CENPF: variants seen among roughly 807,000 people sequenced by gnomAD.
CENPF encodes centromere protein F, also known as AH antigen.
A neutral mutation model predicts 307.3 loss-of-function variants in CENPF; 214 were observed. The ratio of observed to expected loss-of-function variants is 0.70; its 90% confidence interval spans 0.62 to 0.78. The LOEUF is 0.78. Among genes scored for constraint, CENPF ranks in the 30% least tolerant of loss-of-function variants. CENPF has a pLI of 0.00. For missense variants in CENPF, 3,401 were observed against 3,483.9 expected (o/e 0.98, Z 0.60); for synonymous variants, 1,259 against 1,270.6 (o/e 0.99, Z 0.19).
At chr1:214,639,144 A>G (rs533810225) in intron 11 of CENPF, among the ~76,000 whole-genome samples, 3 of 152,164 alleles carry the variant, frequency 2.0e-5, no homozygotes, top group Non-Finnish European at 4.4e-5. Context: ...TCAACTTTCA[A>G]TCTCCCCCAA....
chr1:214,605,620 G>C, intron 1 of CENPF: 2 of 1,440,186 alleles, frequency 1.4e-6, no homozygotes, highest in East Asian at 2.4e-5. Flanking sequence ...GGGCCGGCGC[G>C]GGGTGAGGTC....
At chr1:214,637,626 T>C (rs1309000371) in intron 10 of CENPF, among the ~76,000 whole-genome samples, 2 of 152,188 alleles carry the variant, frequency 1.3e-5, no homozygotes. Context: ...ATGAGAAAGT[T>C]CAATGAAACT....
intron 7 of CENPF, among the ~76,000 whole-genome samples, chr1:214,628,405 T>G (rs1401688590): frequency 1.3e-5 from 2 of 152,060 alleles, no homozygotes; most frequent in Admixed American, 1.3e-4. Context: ...CTGAGATTTG[T>G]TAAACTTTGA....
rs556539205 is a variant in CENPF at position 214,608,382 on chromosome 1, G to A, written c.-42+5061G>A. ...GGTTCCTCTCGGAAGGCCTACCCGAGCTGGCACCGTAGCCGGAGTAGTCGT... is the reference window on the plus strand; with the variant it reads ...GGTTCCTCTCGGAAGGCCTACCCGAACTGGCACCGTAGCCGGAGTAGTCGT... On this transcript the variant is annotated intron_variant, in intron 1 of 19. Transcript: ENST00000366955. The A allele has an allele frequency of 4.2e-5, 68 of 1,613,298 alleles. 1 individual carries two copies. In the South Asian group the frequency reaches 7.1e-4, roughly 17 times the overall value.
At chr1:214,638,518 T>A (rs974596170) in intron 11 of CENPF, among the ~76,000 whole-genome samples, 2 of 152,264 alleles carry the variant, frequency 1.3e-5, no homozygotes, top group Non-Finnish European at 2.9e-5. Context: ...ATCAAATGAA[T>A]CCACTCTTGG....
intron 3 of CENPF, among the ~76,000 whole-genome samples, chr1:214,618,279 C>T (rs1284025522): frequency 6.6e-6 from 1 of 152,176 alleles, no homozygotes; most frequent in Non-Finnish European, 1.5e-5. Flanking sequence ...CAAACCATAT[C>T]ACTGTCATAG....
At position 214,646,060 on chromosome 1, in the gene CENPF, C is replaced by T. The variant is rs1439457831; in HGVS notation, c.6490C>T (p.Gln2164Ter). 1 of 1,613,986 alleles carries T rather than the reference C, an allele frequency of 6.2e-7. No homozygotes were observed. The highest frequency in any genetic ancestry group is 1.7e-5 in the Admixed American group (1 of 60,014). The part of the protein sequence containing the change: ...DKVENLEREL[Q>*]MSEENQELVI... ...AGTTGAGAACCTTGAAAGGGAATTG[C>T]AGATGTCAGAAGAAAACCAGGAGCT... is the stretch of plus-strand genomic sequence containing the variant. The change falls in exon 13 of 20, where the codon CAG becomes TAG. Residue 2164 changes from glutamine (Q) to a stop codon, truncating the protein, a stop_gained. Transcript: ENST00000366955. LOFTEE classifies it high-confidence loss of function.
intron 19 of CENPF, among the ~76,000 whole-genome samples, chr1:214,661,371 C>T (rs759589948): frequency 2.0e-5 from 3 of 152,164 alleles, no homozygotes; most frequent in Non-Finnish European, 4.4e-5. Context: ...CTTGCTGCCT[C>T]ATCTGTTAAG....
chr1:214,662,279 C>T (rs1658806065), intron 19 of CENPF, among the ~76,000 whole-genome samples: 1 of 151,112 alleles, frequency 6.6e-6, no homozygotes, highest in African/African-American at 2.4e-5. Flanking sequence ...ACCAGCAAAA[C>T]TTTGTTTTAT....
intron 11 of CENPF, among the ~76,000 whole-genome samples, chr1:214,639,542 C>T (rs540924042): frequency 6.6e-6 from 1 of 152,244 alleles, no homozygotes; most frequent in African/African-American, 2.4e-5. Flanking sequence ...CTGTTCTTGT[C>T]CCAGTTTTCT....
rs2292378 is a variant in CENPF at position 214,618,906 on chromosome 1, G to T, written c.481+212G>T. On this transcript the variant is annotated intron_variant, in intron 4 of 19. Transcript: ENST00000366955. ...AAGCTTTTTACTTTATCCTTCTGTG[G>T]CATATTTTCAAAGAAATTCAATTTC... Among the ~76,000 whole-genome samples, 6,091 of 152,152 alleles carry T rather than the reference G, an allele frequency of 0.04. 205 individuals are homozygous for T. Among genetic ancestry groups the T allele is most frequent in the East Asian group, 0.12 (621 of 5,176 alleles).
chr1:214,605,936 T>A, intron 1 of CENPF: 1 of 1,597,282 alleles, frequency 6.3e-7, no homozygotes, highest in Non-Finnish European at 8.5e-7. Context: ...CTTCTTGGTG[T>A]CGGGGAAGGC....
At chr1:214,653,060 C>G in intron 16 of CENPF, 71 bp downstream of exon 16, 1 of 1,351,720 alleles carries the variant, frequency 7.4e-7, no homozygotes, top group South Asian at 1.2e-5. Context: ...AATGGTATAG[C>G]ATTAAACGTT....
Position 214,646,736 on chromosome 1 carries a change from C to T in CENPF, c.7166C>T (p.Thr2389Ile). The T allele has an allele frequency of 6.2e-7, 1 of 1,613,848 alleles. No homozygotes were observed. The highest frequency in any genetic ancestry group is 8.5e-7 in the Non-Finnish European group (1 of 1,179,960). ...SLRGLELDVV[T>I]IRSEKENLTN... ...AGAGGTCTGGAATTAGATGTTGTTA[C>T]TATAAGGTCAGAAAAAGAAAATCTG... The change falls in exon 13 of 20, where the codon ACT becomes ATT. Residue 2389 changes from threonine to isoleucine, a missense_variant. Physicochemically the swap from Thr to Ile is moderately conservative, Grantham distance 89. Transcript: ENST00000366955.
Position 214,642,016 on chromosome 1 carries a change from A to G in CENPF, c.3678A>G (p.Glu1226=), listed in dbSNP as rs749449511. Residue 1226 remains glutamate (E), a synonymous_variant, in exon 12 of 20, where the codon GAA becomes GAG. Coordinates refer to ENST00000366955, the MANE Select transcript of CENPF (RefSeq NM_016343.4). ...GAAATAAGGAATTAAAACTTCAGGA[A>G]AGTGAGAAGGAGAAGGAGTGCCTGC... ...MLRNKELKLQ[E]SEKEKECLQH... 2 of 1,611,278 alleles carry G rather than the reference A, an allele frequency of 1.2e-6. No homozygotes were observed. Among genetic ancestry groups the G allele is most frequent in the Non-Finnish European group, 1.7e-6 (2 of 1,179,368 alleles).
intron 8 of CENPF, among the ~76,000 whole-genome samples, chr1:214,629,404 G>A (rs939480527): frequency 3.3e-5 from 5 of 151,960 alleles, no homozygotes; most frequent in Non-Finnish European, 7.4e-5. Context: ...ATTCATCCAT[G>A]TTTTCTGATT....
intron 19 of CENPF, among the ~76,000 whole-genome samples, chr1:214,662,264 A>C (rs1558194715): frequency 6.6e-6 from 1 of 152,046 alleles, no homozygotes; most frequent in Non-Finnish European, 1.5e-5. Flanking sequence ...AAAAAAAAAA[A>C]AAGTACCAGC....
chr1:214,616,480 G>C (rs1387926145), intron 3 of CENPF, among the ~76,000 whole-genome samples: 2 of 152,192 alleles, frequency 1.3e-5, no homozygotes, highest in Non-Finnish European at 2.9e-5. Context: ...ATTGAGATGA[G>C]CTGTAGTGTA....
At chr1:214,654,657 T>C (rs1658582001) in intron 16 of CENPF, among the ~76,000 whole-genome samples, 1 of 151,234 alleles carries the variant, frequency 6.6e-6, no homozygotes, top group Admixed American at 6.6e-5. Flanking sequence ...TTCATAGCTC[T>C]TTTTTTTTGA....
Sources: gnomAD v4.1 joint callset for allele counts (sites outside exome capture counted in the v4.1 genomes callset) on GRCh38, gnomAD v4.1.1 for gene constraint, MANE v1.5 for transcripts, NCBI Gene and HGNC (gene_info 2026-07-23, HGNC 2026-07-21) for gene names.